DRC11L: variants seen among roughly 807,000 people sequenced by gnomAD.
DRC11L encodes dynein regulatory complex subunit like-11.
At chr7:151,200,639 C>T in the DRC11L span, among the ~76,000 whole-genome samples, 1 of 152,110 alleles carries the variant, frequency 6.6e-6, no homozygotes. Flanking sequence ...AGGGTGGTTT[C>T]AGGTGGGCAC....
At chr7:151,191,022 G>T in the DRC11L span, 1 of 400,114 alleles carries the variant, frequency 2.5e-6, no homozygotes. Flanking sequence ...TGGCCTCCTC[G>T]GCCTCCAACT....
chr7:151,203,580 A>T, the DRC11L span: 2,135 of 398,136 alleles, frequency 5.4e-3, 30 homozygotes, highest in African/African-American at 0.04. Flanking sequence ...CCGATCCGTT[A>T]CCATTTTTAG....
chr7:151,193,178 T>TA, the DRC11L span: 1 of 398,092 alleles, frequency 2.5e-6, no homozygotes, highest in East Asian at 3.6e-5. Flanking sequence ...CCTCACCAGT[T>TA]CAGCACCTGA....
At chr7:151,195,027 C>G in the DRC11L span, among the ~76,000 whole-genome samples, 1 of 152,184 alleles carries the variant, frequency 6.6e-6, no homozygotes, top group East Asian at 1.9e-4. Flanking sequence ...TGTGAGCTCT[C>G]TTTACCAGAC....
chr7:151,205,442 A>G, the DRC11L span: 1 of 398,560 alleles, frequency 2.5e-6, no homozygotes, highest in East Asian at 3.6e-5. Flanking sequence ...CCCCTCACTC[A>G]CCCCTCAGAC....
chr7:151,195,947 C>T, the DRC11L span: 9 of 293,840 alleles, frequency 3.1e-5, no homozygotes, highest in South Asian at 1.6e-4. Context: ...GAATTCAAAC[C>T]GAAGATCCCC....
At chr7:151,203,005 C>T in the DRC11L span, 4 of 399,740 alleles carry the variant, frequency 1.0e-5, no homozygotes, top group Admixed American at 4.4e-5. Context: ...TCGAATCTCT[C>T]GCATGAAGGT....
At chr7:151,196,302 T>G in the DRC11L span, 1 of 395,600 alleles carries the variant, frequency 2.5e-6, no homozygotes, top group Admixed American at 4.4e-5. Flanking sequence ...CTACCGAGGA[T>G]GAGCTGGGGA....
chr7:151,191,849 C>T, the DRC11L span: 3 of 399,070 alleles, frequency 7.5e-6, no homozygotes, highest in African/African-American at 2.1e-5. Context: ...CTGGATGCCC[C>T]GGGCCTCTAT....
At chr7:151,201,836 C>T in the DRC11L span, among the ~76,000 whole-genome samples, 2 of 152,332 alleles carry the variant, frequency 1.3e-5, no homozygotes, top group Admixed American at 6.5e-5. The surrounding 1 kb of genome is among the most constrained non-coding windows in gnomAD (Gnocchi z 4.1). Context: ...CCTGCATGAA[C>T]AGAAAGTGGT....
chr7:151,203,803 C>T, the DRC11L span, among the ~76,000 whole-genome samples: 1 of 152,114 alleles, frequency 6.6e-6, no homozygotes, highest in Admixed American at 6.5e-5. Context: ...ATGCAGATTC[C>T]TAGGTCCTCC....
the DRC11L span, chr7:151,191,947 A>G: frequency 2.5e-6 from 1 of 398,990 alleles, no homozygotes; most frequent in Admixed American, 4.4e-5. Context: ...AGGCCTGAGC[A>G]GCCCCCGCCT....
the DRC11L span, chr7:151,199,122 C>T: frequency 1.5e-5 from 6 of 397,984 alleles, no homozygotes; most frequent in Non-Finnish European, 2.7e-5. This position sits in a 1 kb window ranked among gnomAD's most constrained non-coding sequence, Gnocchi z 5.2. Flanking sequence ...CAACACCACG[C>T]TCACACAAGG....
At chr7:151,191,642 AG>A in the DRC11L span, 1 of 399,262 alleles carries the variant, frequency 2.5e-6, no homozygotes, top group Non-Finnish European at 4.4e-6. Flanking sequence ...CCTCACCTTC[AG>A]GGACTCCTCC....
At chr7:151,204,301 C>T in the DRC11L span, among the ~76,000 whole-genome samples, 1 of 152,246 alleles carries the variant, frequency 6.6e-6, no homozygotes, top group South Asian at 2.1e-4. Context: ...CTTCTCTGCC[C>T]TCCTTCCTTT....
the DRC11L span, chr7:151,190,953 AT>A: frequency 1.5e-5 from 6 of 399,744 alleles, no homozygotes; most frequent in Non-Finnish European, 2.6e-5. Context: ...CACGCCACTA[AT>A]CTCAGGTGCC....
the DRC11L span, chr7:151,191,588 G>A: frequency 5.0e-6 from 2 of 398,874 alleles, no homozygotes; most frequent in Non-Finnish European, 8.8e-6. Context: ...TCAGGGGGCT[G>A]ACTCCCCAAG....
the DRC11L span, among the ~76,000 whole-genome samples, chr7:151,196,217 C>CG: frequency 1.1e-4 from 17 of 152,078 alleles, no homozygotes; most frequent in Admixed American, 2.6e-4. Flanking sequence ...AAAGTGGGAC[C>CG]GGGGGAGGCA....
At chr7:151,195,496 A>G in the DRC11L span, 10 of 399,216 alleles carry the variant, frequency 2.5e-5, no homozygotes, top group East Asian at 3.6e-4. Context: ...CTGGTTGGAA[A>G]CGAGTGCGTA....
Sources: gnomAD v4.1 joint callset for allele counts (sites outside exome capture counted in the v4.1 genomes callset) on GRCh38, gnomAD v4.1.1 for gene constraint, Gnocchi (gnomAD v3.1) non-coding constraint, MANE v1.5 for transcripts, NCBI Gene and HGNC (gene_info 2026-07-23, HGNC 2026-07-21) for gene names.